KGD4: variants seen among roughly 807,000 people sequenced by gnomAD.
KGD4 encodes the protein alpha-ketoglutarate dehydrogenase subunit 4.
At chr5:69,223,043 T>TG in the KGD4 span, among the ~76,000 whole-genome samples, 31 of 141,062 alleles carry the variant, frequency 2.2e-4, no homozygotes, top group Non-Finnish European at 4.1e-4. Context: ...CTCAAAGTGC[T>TG]GGGATGACAG....
At chr5:69,220,383 C>T in the KGD4 span, among the ~76,000 whole-genome samples, 15 of 152,046 alleles carry the variant, frequency 9.9e-5, no homozygotes, top group South Asian at 2.1e-4. Context: ...CAGCTGGGCA[C>T]GGTGGCTCAC....
At chr5:69,229,430 T>C in the KGD4 span, 2 of 452,366 alleles carry the variant, frequency 4.4e-6, no homozygotes, top group South Asian at 8.2e-5. Context: ...ATTGTTTATA[T>C]ACTTTATACT....
chr5:69,226,367 G>A, the KGD4 span: 1 of 1,609,018 alleles, frequency 6.2e-7, no homozygotes, highest in Non-Finnish European at 8.5e-7. Flanking sequence ...CATTAATAAG[G>A]TTTCCTGACA....
chr5:69,224,389 C>G, the KGD4 span, among the ~76,000 whole-genome samples: 4 of 138,236 alleles, frequency 2.9e-5, no homozygotes, highest in Non-Finnish European at 1.6e-5. Flanking sequence ...GACTCCATCT[C>G]AAAAAAAAAA....
the KGD4 span, among the ~76,000 whole-genome samples, chr5:69,223,301 G>T: frequency 2.6e-5 from 4 of 151,240 alleles, no homozygotes; most frequent in Admixed American, 1.3e-4. Flanking sequence ...GAATGGTCTC[G>T]ATCTCCTGAC....
At chr5:69,222,763 T>A in the KGD4 span, among the ~76,000 whole-genome samples, 1 of 149,384 alleles carries the variant, frequency 6.7e-6, no homozygotes, top group Non-Finnish European at 1.5e-5. Flanking sequence ...GAAGCTTGGC[T>A]ATGAAAGTGA....
At chr5:69,225,663 G>A in the KGD4 span, among the ~76,000 whole-genome samples, 2 of 149,096 alleles carry the variant, frequency 1.3e-5, no homozygotes, top group South Asian at 2.2e-4. Context: ...CTCTGCCTCC[G>A]GAGTCCCGGT....
chr5:69,225,919 C>T, the KGD4 span, among the ~76,000 whole-genome samples: 2 of 151,830 alleles, frequency 1.3e-5, no homozygotes, highest in South Asian at 2.1e-4. Context: ...TTGGTAGAGA[C>T]GGGGTTTCAC....
the KGD4 span, among the ~76,000 whole-genome samples, chr5:69,218,505 C>T: frequency 8.3e-5 from 10 of 121,166 alleles, no homozygotes; most frequent in African/African-American, 3.0e-4. Context: ...TGTGTATAAG[C>T]GTTGGTTTCA....
the KGD4 span, chr5:69,229,200 C>T: frequency 0.42 from 671,531 of 1,603,642 alleles, 142,606 homozygotes; most frequent in South Asian, 0.55. Flanking sequence ...TTATTTTTTC[C>T]TTTTCAGCGT....
chr5:69,226,304 A>G, the KGD4 span: 1 of 1,417,466 alleles, frequency 7.1e-7, no homozygotes, highest in Admixed American at 1.9e-5. Context: ...TTAGTTAATG[A>G]GATTGTTTTT....
the KGD4 span, among the ~76,000 whole-genome samples, chr5:69,221,009 C>G: frequency 6.6e-6 from 1 of 152,134 alleles, no homozygotes; most frequent in Non-Finnish European, 1.5e-5. Flanking sequence ...GTCATCACCA[C>G]TCCCTAATCT....
chr5:69,223,241 G>T, the KGD4 span, among the ~76,000 whole-genome samples: 1 of 151,488 alleles, frequency 6.6e-6, no homozygotes, highest in Non-Finnish European at 1.5e-5. Context: ...ACCACGCCTG[G>T]CTACTTTTTT....
At chr5:69,229,881 A>G in the KGD4 span, 1 of 152,014 alleles carries the variant, frequency 6.6e-6, no homozygotes, top group Non-Finnish European at 1.5e-5. Context: ...TGAATATAGC[A>G]TAGGAATAAA....
the KGD4 span, among the ~76,000 whole-genome samples, chr5:69,225,262 A>ATT: frequency 9.0e-3 from 938 of 104,284 alleles, 28 homozygotes; most frequent in Admixed American, 0.022. Flanking sequence ...ATAGCACCAC[A>ATT]TTTTTTTTTT....
the KGD4 span, among the ~76,000 whole-genome samples, chr5:69,218,500 A>G: frequency 1.2e-4 from 12 of 99,480 alleles, no homozygotes; most frequent in South Asian, 3.4e-4. Context: ...GTGTGTGTGT[A>G]TAAGCGTTGG....
chr5:69,224,252 G>A, the KGD4 span, among the ~76,000 whole-genome samples: 11 of 152,078 alleles, frequency 7.2e-5, no homozygotes, highest in Middle Eastern at 3.4e-3. Flanking sequence ...TTAGCGGGGT[G>A]TGGTGGCGCA....
the KGD4 span, chr5:69,218,130 G>A: frequency 1.8e-6 from 1 of 542,296 alleles, no homozygotes; most frequent in Admixed American, 3.6e-5. Flanking sequence ...TGTACCTACT[G>A]CCGGGATCCC....
At chr5:69,224,316 G>A in the KGD4 span, among the ~76,000 whole-genome samples, 1 of 151,188 alleles carries the variant, frequency 6.6e-6, no homozygotes, top group Non-Finnish European at 1.5e-5. Context: ...GCTTGAACCT[G>A]GGAGGCGGAG....
Sources: allele counts gnomAD v4.1 joint callset (sites outside exome capture counted in the v4.1 genomes callset), GRCh38; gene constraint gnomAD v4.1.1; transcripts MANE v1.5; gene names NCBI Gene and HGNC (gene_info 2026-07-23, HGNC 2026-07-21).